The following ALK variants were observed in gnomAD, a reference collection of about 807,000 sequenced individuals.
The protein encoded by ALK is ALK receptor tyrosine kinase.
ALK carries 74 observed loss-of-function variants against 163.1 expected under a neutral mutation model. The observed-to-expected ratio is 0.45, with a 90% CI of 0.38 to 0.55. The LOEUF (loss-of-function observed/expected upper bound fraction) is 0.55. ALK is among the 20% of genes least tolerant of loss of function. ALK has a pLI of 0.00. For synonymous variants in ALK, 960 were observed against 843.2 expected (o/e 1.14, Z -2.40); for missense variants, 2,063 against 2,105.3 (o/e 0.98, Z 0.39).
At chr2:29,344,724 C>T (rs1667896566) in intron 5 of ALK, among the ~76,000 whole-genome samples, 1 of 152,200 alleles carries the variant, frequency 6.6e-6, no homozygotes, top group East Asian at 1.9e-4. Context: ...CTACTATGCT[C>T]TGGAGTATTT....
intron 3 of ALK, among the ~76,000 whole-genome samples, chr2:29,609,411 C>G (rs1294378772): frequency 1.3e-5 from 2 of 152,120 alleles, no homozygotes; most frequent in Non-Finnish European, 2.9e-5. Flanking sequence ...ACAACTCTAC[C>G]CAATCCTGGT....
chr2:29,501,645 T>C (rs1672191589), intron 4 of ALK, among the ~76,000 whole-genome samples: 1 of 152,222 alleles, frequency 6.6e-6, no homozygotes, highest in African/African-American at 2.4e-5. Flanking sequence ...TCTCTCTGGA[T>C]TTCTTGCTAG....
intron 4 of ALK, among the ~76,000 whole-genome samples, chr2:29,499,610 C>T (rs1202139312): frequency 5.9e-5 from 9 of 152,174 alleles, no homozygotes; most frequent in Non-Finnish European, 1.2e-4. Context: ...TCTCGCCTCC[C>T]TCCAGCCAAC....
intron 1 of ALK, among the ~76,000 whole-genome samples, chr2:29,913,507 A>G (rs1189270561): frequency 6.6e-6 from 1 of 152,032 alleles, no homozygotes; most frequent in Non-Finnish European, 1.5e-5. Context: ...ATGGCTGTAA[A>G]GAAGAAGGAC....
chr2:29,423,395 C>A (rs1670064624), intron 4 of ALK, among the ~76,000 whole-genome samples: 1 of 152,226 alleles, frequency 6.6e-6, no homozygotes, highest in Admixed American at 6.5e-5. Flanking sequence ...AATGTGGGCC[C>A]TTCAGTGACT....
intron 1 of ALK, among the ~76,000 whole-genome samples, chr2:29,816,027 C>T (rs966754785): frequency 2.0e-5 from 3 of 152,190 alleles, no homozygotes; most frequent in African/African-American, 7.2e-5. Context: ...CTGGACAGAC[C>T]CTGTCTCCTT....
chr2:29,445,702 G>C (rs1670656368), intron 4 of ALK, among the ~76,000 whole-genome samples: 1 of 152,160 alleles, frequency 6.6e-6, no homozygotes, highest in African/African-American at 2.4e-5. Context: ...GATGCCTGTA[G>C]TCCCAGTTAC....
chr2:29,816,664 G>C (rs540873407), intron 1 of ALK, among the ~76,000 whole-genome samples: 1 of 152,324 alleles, frequency 6.6e-6, no homozygotes, highest in African/African-American at 2.4e-5. Flanking sequence ...TGGGCCACAA[G>C]GTCGGTCCCC....
intron 25 of ALK, among the ~76,000 whole-genome samples, chr2:29,208,609 C>A (rs1185899174): frequency 6.6e-6 from 1 of 152,108 alleles, no homozygotes; most frequent in Non-Finnish European, 1.5e-5. Flanking sequence ...GCTGCTGCCC[C>A]GTGGTAACAT....
intron 4 of ALK, among the ~76,000 whole-genome samples, chr2:29,441,232 G>C (rs1016092409): frequency 1.3e-5 from 2 of 152,242 alleles, no homozygotes; most frequent in Non-Finnish European, 2.9e-5. Flanking sequence ...TAGAGCAGGG[G>C]TCTCCCTGTG....
chr2:29,817,009 T>C (rs1421451587), intron 1 of ALK, among the ~76,000 whole-genome samples: 1 of 152,176 alleles, frequency 6.6e-6, no homozygotes, highest in African/African-American at 2.4e-5. Context: ...TATGAACTCA[T>C]TACATCCTCA....
intron 1 of ALK, among the ~76,000 whole-genome samples, chr2:29,815,159 T>C (rs1664864203): frequency 6.6e-6 from 1 of 151,590 alleles, no homozygotes; most frequent in Non-Finnish European, 1.5e-5. Flanking sequence ...ATCCCACTTC[T>C]ATCACTTAAT....
At chr2:29,559,550 T>A (rs1049139071) in intron 3 of ALK, among the ~76,000 whole-genome samples, 1 of 152,208 alleles carries the variant, frequency 6.6e-6, no homozygotes, top group East Asian at 1.9e-4. Flanking sequence ...ATATCTTCAT[T>A]TTGGGGGGTA....
intron 1 of ALK, among the ~76,000 whole-genome samples, chr2:29,755,784 C>T (rs542021285): frequency 7.9e-5 from 12 of 152,266 alleles, no homozygotes; most frequent in African/African-American, 2.9e-4. Flanking sequence ...TGTGCTGTTC[C>T]TGCGGGGCTG....
At chr2:29,406,640 G>A (rs112188220) in intron 4 of ALK, among the ~76,000 whole-genome samples, 6 of 152,110 alleles carry the variant, frequency 3.9e-5, no homozygotes, top group East Asian at 1.9e-4. Context: ...GGTGGATCAC[G>A]CCTGTAATTC....
chr2:29,692,239 G>C lies in ALK; in HGVS notation c.952+2611C>G, dbSNP rs1055645958. Among the ~76,000 whole-genome samples, 3 of 152,178 alleles carry C rather than the reference G, an allele frequency of 2.0e-5. No homozygotes were observed. In the South Asian group the frequency reaches 6.2e-4, roughly 32 times the overall value. On this transcript the variant is annotated intron_variant, in intron 3 of 28. Transcript: ENST00000389048. The stretch of plus-strand genomic sequence containing the variant: ...ATAGCAATACTGATGAGGATGTAAA[G>C]CCATGGGGAGGAATACCAATATATT...
rs1182685213 is a variant in ALK at position 29,504,432 on chromosome 2, AAAG to A, written c.1154+27480_1154+27482del. On this transcript the variant is annotated intron_variant, in intron 4 of 28. Transcript: ENST00000389048. ...TTATTATGCTGGCTGCTGTGCAGAGAAAGAAGGGAGCAAAAGTGGAGCTAGAAA... is the reference window on the plus strand; with the variant it reads ...TTATTATGCTGGCTGCTGTGCAGAGAAAGGGAGCAAAAGTGGAGCTAGAAA... Among the ~76,000 whole-genome samples the A allele has an allele frequency of 6.6e-5, 10 of 152,278 alleles. No individual in the cohort carries two copies. The South Asian group carries it at 1.5e-3, about 22-fold the overall frequency.
chr2:29,450,101 C>T (rs982384449), intron 4 of ALK, among the ~76,000 whole-genome samples: 1 of 152,066 alleles, frequency 6.6e-6, no homozygotes, highest in Non-Finnish European at 1.5e-5. Flanking sequence ...GACAGTAGGG[C>T]TCCTGTGACC....
intron 1 of ALK, among the ~76,000 whole-genome samples, chr2:29,749,711 C>T (rs1680302839): frequency 6.6e-6 from 1 of 152,288 alleles, no homozygotes; most frequent in African/African-American, 2.4e-5. Context: ...CCCCTGAGCC[C>T]AGCCATTTAT....
Sources: allele counts gnomAD v4.1 joint callset (sites outside exome capture counted in the v4.1 genomes callset), GRCh38; gene constraint gnomAD v4.1.1; transcripts MANE v1.5; gene names NCBI Gene and HGNC (gene_info 2026-07-23, HGNC 2026-07-21).